Variants in AP3B1 observed in about 807,000 individuals in gnomAD.
The protein encoded by AP3B1 is adaptor related protein complex 3 subunit beta 1, also known as AP-3 complex subunit beta-1.
In AP3B1, 61 loss-of-function variants were observed where a neutral mutation model predicts 132.5. The observed-to-expected ratio is 0.46, with a 90% CI of 0.37 to 0.57. AP3B1 has a LOEUF of 0.57. Ranked by LOEUF, AP3B1 falls within the 20% of genes least tolerant of loss-of-function variation. The pLI, the probability that AP3B1 is intolerant of heterozygous loss-of-function variation, is 0.00. For missense variants in AP3B1, 1,120 were observed against 1,289.4 expected, an observed-to-expected ratio of 0.87 and a Z score of 2.01; for synonymous variants, 388 against 438.3, an observed-to-expected ratio of 0.89 and a Z score of 1.43.
At chr5:78,215,510 T>G (rs983711602) in intron 7 of AP3B1, among the ~76,000 whole-genome samples, 4 of 152,196 alleles carry the variant, frequency 2.6e-5, no homozygotes, top group African/African-American at 9.6e-5. Context: ...CTTAAATTAT[T>G]AATTTTACTA....
intron 24 of AP3B1, 104 bp from the exon 25 acceptor site, chr5:78,020,893 A>G (rs924224675): frequency 2.2e-6 from 2 of 924,022 alleles, no homozygotes; most frequent in Non-Finnish European, 3.4e-6. Context: ...CATATACAGT[A>G]TAAGACCTTT....
chr5:78,061,937 C>T (rs1025242492), intron 22 of AP3B1, among the ~76,000 whole-genome samples: 2 of 152,202 alleles, frequency 1.3e-5, no homozygotes, highest in African/African-American at 4.8e-5. Context: ...ATTGATGAAA[C>T]CAGCAGTCAC....
chr5:78,116,204 T>C lies in AP3B1; in HGVS notation c.1999A>G (p.Lys667Glu). 1 of 1,613,764 alleles carries C rather than the reference T, an allele frequency of 6.2e-7. No homozygotes were observed. The highest frequency in any genetic ancestry group is 1.3e-5 in the African/African-American group (1 of 75,048). Reference protein sequence around the residue: ...AKEWTPAGKAKQENSAKKFYS... With the variant: ...AKEWTPAGKAEQENSAKKFYS... ...AACTTCTTAGCAGAATTCTCTTGCT[T>C]TGCTTTTCCTGCTGGGGTCCATTCT... The change falls in exon 18 of 27, where the codon AAG (lysine) becomes GAG (glutamate). Residue 667 changes from lysine to glutamate, a missense_variant. Coordinates refer to ENST00000255194, the MANE Select transcript of AP3B1 (RefSeq NM_003664.5).
chr5:78,294,304 C>A, intron 1 of AP3B1, 148 bp downstream of exon 1: 1 of 1,135,960 alleles, frequency 8.8e-7, no homozygotes, highest in South Asian at 1.4e-5. Context: ...ACCAACCCCA[C>A]CTACCCACCC....
intron 17 of AP3B1, among the ~76,000 whole-genome samples, chr5:78,120,685 T>G (rs559353543): frequency 8.5e-5 from 13 of 152,124 alleles, no homozygotes; most frequent in South Asian, 4.2e-4. Flanking sequence ...GCACCCAGAT[T>G]CATAAAGCAA....
chr5:78,056,163 A>G (rs1362077819), intron 22 of AP3B1, among the ~76,000 whole-genome samples: 1 of 152,174 alleles, frequency 6.6e-6, no homozygotes, highest in Non-Finnish European at 1.5e-5. Context: ...AAAAGCAATG[A>G]AGGTACCCTC....
At chr5:78,281,762 T>C (rs1749067406) in intron 1 of AP3B1, among the ~76,000 whole-genome samples, 1 of 152,032 alleles carries the variant, frequency 6.6e-6, no homozygotes, top group Non-Finnish European at 1.5e-5. Flanking sequence ...GGGATTTATT[T>C]AATGGGTGCA....
intron 22 of AP3B1, among the ~76,000 whole-genome samples, chr5:78,041,477 T>C (rs1748083683): frequency 6.6e-6 from 1 of 151,606 alleles, no homozygotes; most frequent in Non-Finnish European, 1.5e-5. Context: ...GAGGATTGCC[T>C]GAGCTCAGGA....
intron 7 of AP3B1, among the ~76,000 whole-genome samples, chr5:78,194,047 G>A (rs933520049): frequency 6.6e-6 from 1 of 151,946 alleles, no homozygotes; most frequent in Non-Finnish European, 1.5e-5. Flanking sequence ...GATTACAGGC[G>A]TGAGCCACCA....
chr5:78,216,368 T>C lies in AP3B1; in HGVS notation c.604-131A>G, dbSNP rs566873564. The stretch of plus-strand genomic sequence containing the variant: ...TATTCAGTCATTCAATTAAAATGAA[T>C]GTTCATGTTTGAATAACAAACTTTA... On this transcript the variant is annotated intron_variant, in intron 6 of 26. Transcript: ENST00000255194. 3.4e-5 allele frequency: 29 copies of C among 863,188 alleles called. No homozygotes were observed. The South Asian group carries it at 4.1e-4, about 12-fold the overall frequency. The allele number at this position is 863,188 out of a possible 1,614,324, so 53.5% of individuals were successfully genotyped here.
At chr5:78,229,748 A>T (rs4299711) in intron 3 of AP3B1, among the ~76,000 whole-genome samples, 50,055 of 151,674 alleles carry the variant, frequency 0.33, 8,333 homozygotes, top group Middle Eastern at 0.43. Context: ...TCAAAAATTT[A>T]AAAAATTTAA....
intron 7 of AP3B1, among the ~76,000 whole-genome samples, chr5:78,202,638 A>C (rs1010430232): frequency 2.0e-5 from 3 of 151,372 alleles, no homozygotes; most frequent in African/African-American, 7.3e-5. Context: ...TACTTTTTGA[A>C]TACAACACTA....
intron 25 of AP3B1, 193 bp from the exon 26 acceptor site, chr5:78,015,741 A>G: frequency 1.8e-6 from 1 of 562,124 alleles, no homozygotes; most frequent in Non-Finnish European, 3.1e-6. Context: ...TCCTCATTGT[A>G]TAGGAAAATG....
intron 22 of AP3B1, among the ~76,000 whole-genome samples, chr5:78,074,145 C>A (rs913448713): frequency 2.6e-5 from 4 of 152,006 alleles, no homozygotes; most frequent in African/African-American, 9.7e-5. Context: ...TAAAAAAATT[C>A]CAACTAAAAA....
chr5:78,166,764 C>T (rs1267468918), intron 11 of AP3B1, among the ~76,000 whole-genome samples: 1 of 152,114 alleles, frequency 6.6e-6, no homozygotes, highest in East Asian at 1.9e-4. Context: ...CCCTATTCAA[C>T]AAATGGTGCC....
In AP3B1 at chr5:78,068,144, G is replaced by A. The variant is rs929783604; in HGVS notation, c.2577+21249C>T. Among the ~76,000 whole-genome samples the A allele has an allele frequency of 4.6e-5, 7 of 152,244 alleles. No homozygotes were observed. The East Asian group carries it at 1.4e-3, about 29-fold the overall frequency. The stretch of plus-strand genomic sequence containing the variant: ...GTTGGAGACCAGCCTGACCAACATG[G>A]AGAAACCCCATCTCTACTAAAAATA... On this transcript the variant is annotated intron_variant, in intron 22 of 26. Coordinates refer to ENST00000255194, the MANE Select transcript of AP3B1 (RefSeq NM_003664.5).
chr5:78,092,159 A>G (rs928975223), intron 21 of AP3B1, among the ~76,000 whole-genome samples: 3 of 152,216 alleles, frequency 2.0e-5, no homozygotes, highest in African/African-American at 7.2e-5. Context: ...TCCTTTCAAA[A>G]TATTAGAATG....
chr5:78,250,538 CA>C (rs1253569792), intron 2 of AP3B1, among the ~76,000 whole-genome samples: 1 of 152,018 alleles, frequency 6.6e-6, no homozygotes, highest in Admixed American at 6.6e-5. Flanking sequence ...ACAACAGAAC[CA>C]ATTTCAAACA....
chr5:78,140,824 G>A (rs1427327051), intron 15 of AP3B1, among the ~76,000 whole-genome samples: 1 of 152,158 alleles, frequency 6.6e-6, no homozygotes, highest in Non-Finnish European at 1.5e-5. Flanking sequence ...CAAGCCCTTA[G>A]TCAAGAGTTT....
Sources: allele counts gnomAD v4.1 joint callset (sites outside exome capture counted in the v4.1 genomes callset), GRCh38; gene constraint gnomAD v4.1.1; transcripts MANE v1.5; gene names NCBI Gene and HGNC (gene_info 2026-07-23, HGNC 2026-07-21).